The following AGMO variants were observed in gnomAD, a reference collection of about 807,000 sequenced individuals.
The protein encoded by AGMO is glyceryl-ether monooxygenase.
AGMO carries 75 observed loss-of-function variants against 60.2 expected under a neutral mutation model. That is an observed-to-expected ratio of 1.25 (90% CI 1.03 to 1.51). AGMO has a LOEUF of 1.51. Among genes scored for constraint, AGMO ranks in the 40% most tolerant of loss-of-function variants. The pLI, the probability that AGMO is intolerant of heterozygous loss-of-function variation, is 0.00. For synonymous variants in AGMO, 261 were observed against 177.1 expected (o/e 1.47, Z -3.76); for missense variants, 763 against 525.5 (o/e 1.45, Z -4.42).
the AGMO span, among the ~76,000 whole-genome samples, chr7:15,166,087 T>C: frequency 6.6e-6 from 1 of 152,162 alleles, no homozygotes; most frequent in Non-Finnish European, 1.5e-5. Flanking sequence ...TACATTCTTA[T>C]AGGAAGTGAC....
chr7:15,198,245 G>C (rs1243810613), downstream of AGMO, among the ~76,000 whole-genome samples: 55 of 94,392 alleles, frequency 5.8e-4, 1 homozygote, highest in African/African-American at 1.7e-3. Context: ...GAGAGAGAGA[G>C]AGAGAGAGAG....
chr7:15,448,451 A>G (rs1781762457), intron 3 of AGMO, among the ~76,000 whole-genome samples: 1 of 152,292 alleles, frequency 6.6e-6, no homozygotes, highest in African/African-American at 2.4e-5. Context: ...AATATAAAAA[A>G]TAAACTTCTA....
the AGMO span, among the ~76,000 whole-genome samples, chr7:15,183,884 A>G: frequency 6.6e-6 from 1 of 152,222 alleles, no homozygotes; most frequent in African/African-American, 2.4e-5. Flanking sequence ...AAGAATTTTA[A>G]TAATTGTGGT....
chr7:15,544,697 A>C, intron 3 of AGMO, 75 bp downstream of exon 3: 2 of 1,172,754 alleles, frequency 1.7e-6, no homozygotes, highest in Non-Finnish European at 2.3e-6. Context: ...CATTCAATAA[A>C]TGTTTACTGA....
At chr7:15,471,115 AT>A (rs1422133366) in intron 3 of AGMO, among the ~76,000 whole-genome samples, 1 of 151,980 alleles carries the variant, frequency 6.6e-6, no homozygotes, top group African/African-American at 2.4e-5. Context: ...TTGGAACAGC[AT>A]GAACATAAAT....
chr7:15,373,987 C>T (rs1288902882), intron 10 of AGMO, among the ~76,000 whole-genome samples: 1 of 152,190 alleles, frequency 6.6e-6, no homozygotes, highest in African/African-American at 2.4e-5. Context: ...GCATACTTAT[C>T]CCTGCTGCCA....
intron 3 of AGMO, among the ~76,000 whole-genome samples, chr7:15,440,123 C>G (rs2128501617): frequency 6.6e-6 from 1 of 152,294 alleles, no homozygotes; most frequent in East Asian, 1.9e-4. Context: ...AGCTCAAGGA[C>G]TAACAGCAGT....
intron 3 of AGMO, among the ~76,000 whole-genome samples, chr7:15,498,467 C>T (rs772482342): frequency 2.0e-5 from 3 of 151,906 alleles, no homozygotes; most frequent in Non-Finnish European, 2.9e-5. Context: ...TCCATGCTAA[C>T]GTTTCTGCAG....
chr7:15,192,746 GC>G, the AGMO span, among the ~76,000 whole-genome samples: 1 of 152,042 alleles, frequency 6.6e-6, no homozygotes, highest in Non-Finnish European at 1.5e-5. Context: ...AAAAGTGCCC[GC>G]CCTGGCTCCT....
chr7:15,430,414 G>A (rs1423003754), intron 4 of AGMO, among the ~76,000 whole-genome samples: 1 of 151,648 alleles, frequency 6.6e-6, no homozygotes, highest in Non-Finnish European at 1.5e-5. Context: ...ATATTATCAA[G>A]TAGATCAGGA....
At position 15,365,380 on chromosome 7, in the gene AGMO, T is replaced by TAAAAAAAAAAAAAAAAAAA. The variant is rs60202363; in HGVS notation, c.1263+133_1263+134insTTTTTTTTTTTTTTTTTTT. 3.4e-3 allele frequency: 766 copies of TAAAAAAAAAAAAAAAAAAA among 223,684 alleles called. 88 individuals carry two copies. The highest frequency in any genetic ancestry group is 0.034 in the African/African-American group (585 of 17,094). The allele number at this position is 223,684 out of a possible 1,614,324, so 13.9% of individuals were successfully genotyped here. On this transcript the variant is annotated intron_variant, in intron 12 of 12. Coordinates refer to ENST00000342526, the MANE Select transcript of AGMO (RefSeq NM_001004320.2). Reference sequence around the variant, plus strand: ...GACACAACTAACAAGTACTGGTAAGTAAAAAAAAAAAAAAAGATCAAGATT... The same window carrying TAAAAAAAAAAAAAAAAAAA: ...GACACAACTAACAAGTACTGGTAAGTAAAAAAAAAAAAAAAAAAAAAAAAAAAAAAAAAAGATCAAGATT...
At chr7:15,211,645 A>G (rs1336135557) in intron 12 of AGMO, among the ~76,000 whole-genome samples, 1 of 151,968 alleles carries the variant, frequency 6.6e-6, no homozygotes, top group Non-Finnish European at 1.5e-5. Flanking sequence ...ACTTATGACA[A>G]AAATATGGAA....
intron 12 of AGMO, 32 bp downstream of exon 12, chr7:15,365,482 C>G: frequency 6.8e-7 from 1 of 1,464,926 alleles, no homozygotes; most frequent in Non-Finnish European, 9.5e-7. Flanking sequence ...TAGGTATACG[C>G]CATCCTGTGG....
chr7:15,130,470 C>T, the AGMO span, among the ~76,000 whole-genome samples: 1 of 151,926 alleles, frequency 6.6e-6, no homozygotes, highest in African/African-American at 2.4e-5. Flanking sequence ...ACTCAGGCCC[C>T]CTAAAAATGA....
intron 12 of AGMO, among the ~76,000 whole-genome samples, chr7:15,364,628 A>G (rs966223513): frequency 9.2e-5 from 14 of 152,056 alleles, no homozygotes; most frequent in African/African-American, 2.7e-4. Flanking sequence ...TTTCAGTAGC[A>G]CCAATTCCTA....
chr7:15,501,853 A>T (rs997671418), intron 3 of AGMO, among the ~76,000 whole-genome samples: 1 of 151,954 alleles, frequency 6.6e-6, no homozygotes, highest in African/African-American at 2.4e-5. Context: ...AATCAAAATG[A>T]GCTGCAGAAA....
chr7:15,142,982 T>C, the AGMO span, among the ~76,000 whole-genome samples: 8 of 152,174 alleles, frequency 5.3e-5, no homozygotes, highest in South Asian at 1.7e-3. Flanking sequence ...AAATCATAGC[T>C]CTTGATCTCA....
At chr7:15,178,658 G>A in the AGMO span, among the ~76,000 whole-genome samples, 10 of 152,096 alleles carry the variant, frequency 6.6e-5, 1 homozygote, top group South Asian at 4.2e-4. Flanking sequence ...TCTTGACTCC[G>A]ACATTTAGAT....
the AGMO span, among the ~76,000 whole-genome samples, chr7:15,122,011 A>T: frequency 6.6e-6 from 1 of 152,150 alleles, no homozygotes; most frequent in Non-Finnish European, 1.5e-5. Flanking sequence ...AGACTTCACG[A>T]CTAAAACACC....
Sources: gnomAD v4.1 joint callset for allele counts (sites outside exome capture counted in the v4.1 genomes callset) on GRCh38, gnomAD v4.1.1 for gene constraint, MANE v1.5 for transcripts, NCBI Gene and HGNC (gene_info 2026-07-23, HGNC 2026-07-21) for gene names.